The following BNC2 variants were observed in gnomAD, a reference collection of about 807,000 sequenced individuals.
BNC2 encodes the protein basonuclin zinc finger protein 2, also known as zinc finger protein basonuclin-2.
Under a neutral mutation model 76.3 loss-of-function variants are expected in BNC2, and 20 were observed. The ratio of observed to expected loss-of-function variants is 0.26; its 90% CI spans 0.18 to 0.38. BNC2 has a LOEUF of 0.38. BNC2 is among the 10% of genes least tolerant of loss of function. The pLI is 1.00. For missense variants in BNC2, 1,382 were observed against 1,399.8 expected, an observed-to-expected ratio of 0.99 and a Z score of 0.20; for synonymous variants, 582 against 514.8, an observed-to-expected ratio of 1.13 and a Z score of -1.77.
At chr9:16,678,261 C>CTTTCTCTTTTTTTTTTTTT (rs1473647913) in intron 3 of BNC2, among the ~76,000 whole-genome samples, 3 of 75,888 alleles carry the variant, frequency 4.0e-5, no homozygotes, top group East Asian at 6.4e-4. Context: ...TGTTTTCTTT[C>CTTTCTCTTTTTTTTTTTTT]TTTTTCTTTT....
intron 5 of BNC2, among the ~76,000 whole-genome samples, chr9:16,540,253 T>G (rs1024307685): frequency 1.4e-5 from 2 of 147,398 alleles, no homozygotes; most frequent in Non-Finnish European, 3.0e-5. Context: ...GAAGCAAATA[T>G]CTGCATATAA....
At chr9:16,455,915 G>A (rs962377301) in intron 5 of BNC2, among the ~76,000 whole-genome samples, 4 of 152,040 alleles carry the variant, frequency 2.6e-5, no homozygotes, top group African/African-American at 9.7e-5. Flanking sequence ...TAGCTATAAT[G>A]GTTCCATGGA....
intron 3 of BNC2, among the ~76,000 whole-genome samples, chr9:16,614,472 A>AT (rs1319632773): frequency 6.6e-6 from 1 of 151,680 alleles, no homozygotes; most frequent in Non-Finnish European, 1.5e-5. Context: ...TGAAAAAAAA[A>AT]AAAATCCAAA....
intron 3 of BNC2, among the ~76,000 whole-genome samples, chr9:16,609,194 G>T (rs1820469492): frequency 6.6e-6 from 1 of 152,126 alleles, no homozygotes; most frequent in Non-Finnish European, 1.5e-5. Context: ...TATAACAAAA[G>T]TCTCAGACAT....
At chr9:16,434,840 G>A (rs752903633) in intron 6 of BNC2, 4 of 456,906 alleles carry the variant, frequency 8.8e-6, no homozygotes, top group South Asian at 3.1e-5. Flanking sequence ...TGCATAATCC[G>A]CATGGTAGAC....
At chr9:16,504,056 T>C (rs750287671) in intron 5 of BNC2, among the ~76,000 whole-genome samples, 17 of 152,090 alleles carry the variant, frequency 1.1e-4, no homozygotes, top group Admixed American at 1.1e-3. Context: ...TCGGAATCCA[T>C]ATGGCAAATT....
rs562326526 is a variant in BNC2, at chr9:16,592,099, G to GTCT, written c.331-9015_331-9014insAGA. Among the ~76,000 whole-genome samples, 302 of 151,628 alleles carry GTCT rather than the reference G, an allele frequency of 2.0e-3. 9 individuals are homozygous for GTCT. In the East Asian group the frequency reaches 0.053, roughly 26 times the overall value. On this transcript the variant is annotated intron_variant, in intron 3 of 6. Transcript: ENST00000380672. ...ACAAAAAGCTGGGCAATTTAAAGATGGTTAACCACCCCTCCCCTCCCCCCA... is the reference window on the plus strand; with the variant it reads ...ACAAAAAGCTGGGCAATTTAAAGATGTCTGTTAACCACCCCTCCCCTCCCCCCA...
chr9:16,665,741 C>T (rs149629595), intron 3 of BNC2, among the ~76,000 whole-genome samples: 7 of 152,260 alleles, frequency 4.6e-5, no homozygotes, highest in Admixed American at 2.0e-4. Context: ...TGGAACTGCA[C>T]GGATCTAGGC....
intron 3 of BNC2, among the ~76,000 whole-genome samples, chr9:16,705,888 A>C (rs1199710321): frequency 6.6e-6 from 1 of 152,242 alleles, no homozygotes; most frequent in Non-Finnish European, 1.5e-5. Flanking sequence ...TTGAATCCTA[A>C]AACACCTACA....
chr9:16,712,522 A>T (rs899146378), intron 3 of BNC2, among the ~76,000 whole-genome samples: 2 of 152,224 alleles, frequency 1.3e-5, no homozygotes, highest in African/African-American at 4.8e-5. Flanking sequence ...TGAATTTTCA[A>T]ACTTGTTGGA....
intron 6 of BNC2, among the ~76,000 whole-genome samples, chr9:16,428,909 T>G (rs2119311666): frequency 6.6e-6 from 1 of 152,326 alleles, no homozygotes; most frequent in Admixed American, 6.5e-5. Flanking sequence ...AAGTGTAGTT[T>G]TATGTGAAAT....
chr9:16,616,608 GA>G (rs1820704688), intron 3 of BNC2, among the ~76,000 whole-genome samples: 1 of 151,018 alleles, frequency 6.6e-6, no homozygotes, highest in Non-Finnish European at 1.5e-5. Context: ...ATCTCTACTT[GA>G]GCCCAGGAGA....
At chr9:16,520,370 C>T (rs1817580065) in intron 5 of BNC2, among the ~76,000 whole-genome samples, 1 of 151,954 alleles carries the variant, frequency 6.6e-6, no homozygotes, top group African/African-American at 2.4e-5. Context: ...AAGAAAGAAG[C>T]CAAAGATTCA....
chr9:16,428,425 T>A (rs1258291716), intron 6 of BNC2, among the ~76,000 whole-genome samples: 1 of 152,222 alleles, frequency 6.6e-6, no homozygotes, highest in South Asian at 2.1e-4. Context: ...ATCAATGTGA[T>A]AAAGTTACTT....
Position 16,565,832 on chromosome 9 carries a change from TAAAC to T in BNC2, c.434-13071_434-13068del, listed in dbSNP as rs1587178494. 2.1e-5 allele frequency among the ~76,000 whole-genome samples: 3 copies of T among 144,144 alleles called. No homozygotes were observed. The South Asian group carries it at 6.6e-4, about 32-fold the overall frequency. 94.6% of individuals were successfully genotyped at this position (144,144 alleles called of 152,430 possible). A position where few individuals can be genotyped will look rare whatever the true frequency, so the allele number is the denominator to read the frequency against. ...AAAAAAAAAAAAAGCAACAAACAAA[TAAAC>T]AAACACATTAACACACAAAATTACA... On this transcript the variant is annotated intron_variant, in intron 4 of 6. Transcript: ENST00000380672.
At chr9:16,777,497 G>A (rs1563938304) in intron 1 of BNC2, among the ~76,000 whole-genome samples, 1 of 151,990 alleles carries the variant, frequency 6.6e-6, no homozygotes, top group Non-Finnish European at 1.5e-5. Flanking sequence ...TCAGGAGATC[G>A]AGACCATCCT....
intron 1 of BNC2, among the ~76,000 whole-genome samples, chr9:16,792,099 C>A (rs369575698): frequency 1.2e-4 from 14 of 114,034 alleles, no homozygotes; most frequent in African/African-American, 3.6e-4. Context: ...AAGACCTTGA[C>A]CCTCCAAAAA....
intron 3 of BNC2, among the ~76,000 whole-genome samples, chr9:16,715,917 A>G (rs998826588): frequency 1.3e-5 from 2 of 152,242 alleles, no homozygotes; most frequent in Non-Finnish European, 2.9e-5. Context: ...TTTACAGAAT[A>G]TAAGACAATG....
intron 5 of BNC2, among the ~76,000 whole-genome samples, chr9:16,487,085 T>C (rs1011675785): frequency 4.6e-5 from 7 of 152,190 alleles, no homozygotes; most frequent in Non-Finnish European, 8.8e-5. Flanking sequence ...ATTCCCCTTT[T>C]ACAGATGAGA....
Sources: allele counts gnomAD v4.1 joint callset (sites outside exome capture counted in the v4.1 genomes callset), GRCh38; gene constraint gnomAD v4.1.1; transcripts MANE v1.5; gene names NCBI Gene and HGNC (gene_info 2026-07-23, HGNC 2026-07-21).